Variants in ARSG observed in about 807,000 individuals in gnomAD.
The protein encoded by ARSG is ASG.
In ARSG, 37 loss-of-function variants were observed where a neutral mutation model predicts 50.5. The observed-to-expected ratio is 0.73, with a 90% CI of 0.56 to 0.96. The LOEUF is 0.96. Ranked by LOEUF, ARSG falls within the 50% of genes least tolerant of loss-of-function variation. ARSG has a pLI of 0.00. For missense variants in ARSG, 629 were observed against 675.3 expected (o/e 0.93, Z 0.76); for synonymous variants, 225 against 254.6 (o/e 0.88, Z 1.11).
At chr17:68,427,491 C>T (rs2083276395), downstream of ARSG, 8 of 308,324 alleles carry the variant, frequency 2.6e-5, no homozygotes, top group South Asian at 1.6e-4. Flanking sequence ...CGAGTAGCTG[C>T]GACTACAGGC....
the ARSG span, chr17:68,450,843 A>C: frequency 6.2e-7 from 1 of 1,614,134 alleles, no homozygotes; most frequent in Non-Finnish European, 8.5e-7. Flanking sequence ...ACTGACTACC[A>C]CCACCAGGCT....
In ARSG at chr17:68,399,584, C is replaced by CA. The variant is rs946117095; in HGVS notation, c.1213-1768dup. ...GCCATAATGGGTCTTCTCAAACAAA[C>CA]AAAAAAAATGCATAGACAAGTTCTC... On this transcript the variant is annotated intron_variant, in intron 10 of 11. Coordinates refer to ENST00000621439, the MANE Select transcript of ARSG (RefSeq NM_001267727.2). The surrounding 1 kb of genome is among the most constrained non-coding windows in gnomAD (Gnocchi z 4.6). Among the ~76,000 whole-genome samples, 18 of 151,994 alleles carry CA rather than the reference C, an allele frequency of 1.2e-4. 1 individual carries two copies. The highest frequency in any genetic ancestry group is 6.2e-4 in the South Asian group (3 of 4,802).
rs116177678 is a variant in ARSG at position 68,300,490 on chromosome 17, C to T, written c.-551-6453C>T. 6.1e-3 allele frequency among the ~76,000 whole-genome samples: 927 copies of T among 152,304 alleles called. 7 individuals carry two copies. Among genetic ancestry groups the T allele is most frequent in the African/African-American group, 0.021 (873 of 41,546 alleles). The stretch of plus-strand genomic sequence containing the variant: ...AAACAGGCTTCCAGTGAGCGAATTT[C>T]AGACATTGACCTGGAGCTTTCTTCT... On this transcript the variant is annotated intron_variant, in intron 1 of 11. Transcript: ENST00000621439.
intron 10 of ARSG, among the ~76,000 whole-genome samples, chr17:68,397,548 A>G (rs6501429): frequency 0.11 from 16,227 of 152,056 alleles, 2,180 homozygotes; most frequent in African/African-American, 0.31. Flanking sequence ...AAAGTCATAG[A>G]CCTAAGGAAA....
chr17:68,272,789 A>G (rs782498904), intron 1 of ARSG: 1 of 1,613,094 alleles, frequency 6.2e-7, no homozygotes, highest in Non-Finnish European at 8.5e-7. Flanking sequence ...AAGTCAAAAA[A>G]GCCAATGAGA....
At chr17:68,310,939 G>T (rs902189713) in intron 2 of ARSG, among the ~76,000 whole-genome samples, 1 of 152,170 alleles carries the variant, frequency 6.6e-6, no homozygotes, top group Non-Finnish European at 1.5e-5. Flanking sequence ...GGTGGCTCAC[G>T]CCTGTAATTC....
At chr17:68,361,337 A>C (rs1279501971) in intron 6 of ARSG, among the ~76,000 whole-genome samples, 4 of 152,156 alleles carry the variant, frequency 2.6e-5, no homozygotes, top group Non-Finnish European at 5.9e-5. Flanking sequence ...TGGCCATGTG[A>C]GGATACAGTG....
chr17:68,407,440 G>A (rs759869093), intron 11 of ARSG, among the ~76,000 whole-genome samples: 36 of 152,240 alleles, frequency 2.4e-4, no homozygotes, highest in Admixed American at 3.9e-4. Flanking sequence ...TTTGTAGATT[G>A]TTTTTAGCAG....
chr17:68,268,943 G>C, intron 1 of ARSG: 2 of 1,444,318 alleles, frequency 1.4e-6, no homozygotes, highest in South Asian at 1.4e-5. Flanking sequence ...AAACAAAAGC[G>C]ATGTTGGTAG....
At chr17:68,372,794 G>A (rs999132224) in intron 8 of ARSG, among the ~76,000 whole-genome samples, 5 of 151,360 alleles carry the variant, frequency 3.3e-5, no homozygotes, top group Non-Finnish European at 5.9e-5. Flanking sequence ...TCCCGTCATC[G>A]TATTAGTCTG....
rs184396368 is a variant in ARSG at position 68,410,966 on chromosome 17, G to C, written c.1304-9223G>C. Among the ~76,000 whole-genome samples, 519 of 152,250 alleles carry C rather than the reference G, an allele frequency of 3.4e-3. 2 individuals carry two copies. Among genetic ancestry groups the C allele is most frequent in the Admixed American group, 7.6e-3 (117 of 15,302 alleles). On this transcript the variant is annotated intron_variant, in intron 11 of 11. Transcript: ENST00000621439. ...TTTGTATTTCTGTGGGATCAGTGGT[G>C]ATATTCCCTTTATCATTTTTTATTG...
At chr17:68,291,815 G>A (rs1555756205) in intron 1 of ARSG, among the ~76,000 whole-genome samples, 1 of 151,534 alleles carries the variant, frequency 6.6e-6, no homozygotes, top group East Asian at 2.0e-4. Context: ...GCGCCTTCCC[G>A]GCGCGCCCAC....
intron 1 of ARSG, among the ~76,000 whole-genome samples, chr17:68,295,049 A>G (rs2076158054): frequency 6.6e-6 from 1 of 152,178 alleles, no homozygotes; most frequent in South Asian, 2.1e-4. Context: ...GGGGCTTAGC[A>G]CTGGGATTGG....
At chr17:68,292,163 A>T (rs922734862) in intron 1 of ARSG, among the ~76,000 whole-genome samples, 1 of 151,976 alleles carries the variant, frequency 6.6e-6, no homozygotes, top group Non-Finnish European at 1.5e-5. Flanking sequence ...CAGCGGCAGC[A>T]ACAGCATCCG....
intron 1 of ARSG, among the ~76,000 whole-genome samples, chr17:68,263,629 C>T (rs2075107260): frequency 6.6e-6 from 1 of 152,108 alleles, no homozygotes; most frequent in South Asian, 2.1e-4. Context: ...GCCACCACAC[C>T]TGGCTAATTT....
intron 11 of ARSG, among the ~76,000 whole-genome samples, chr17:68,409,583 G>T (rs113404956): frequency 2.6e-5 from 4 of 151,950 alleles, no homozygotes; most frequent in Non-Finnish European, 4.4e-5. Context: ...TCTTTTGGCT[G>T]AGGATTGACT....
chr17:68,313,460 C>T (rs1401909119), intron 2 of ARSG, among the ~76,000 whole-genome samples: 1 of 151,940 alleles, frequency 6.6e-6, no homozygotes, highest in African/African-American at 2.4e-5. Context: ...TGTTATGAGG[C>T]GTTCTTTCAT....
intron 10 of ARSG, among the ~76,000 whole-genome samples, 192 bp downstream of exon 10, chr17:68,395,385 C>T (rs776050202): frequency 6.6e-6 from 1 of 152,166 alleles, no homozygotes; most frequent in Non-Finnish European, 1.5e-5. Context: ...GTCAGGAGTT[C>T]GAGACCAGCC....
At chr17:68,376,690 AT>A (rs139386857) in intron 8 of ARSG, among the ~76,000 whole-genome samples, 7 of 151,460 alleles carry the variant, frequency 4.6e-5, no homozygotes, top group African/African-American at 1.5e-4. Flanking sequence ...ATACTATTCA[AT>A]TTTTTTTTAA....
Sources: allele counts gnomAD v4.1 joint callset (sites outside exome capture counted in the v4.1 genomes callset), GRCh38; gene constraint gnomAD v4.1.1; non-coding constraint Gnocchi (gnomAD v3.1); transcripts MANE v1.5; gene names NCBI Gene and HGNC (gene_info 2026-07-23, HGNC 2026-07-21).